CCDC178: variants seen among roughly 807,000 people sequenced by gnomAD.
CCDC178 encodes coiled-coil domain containing 178.
A neutral mutation model predicts 117.4 loss-of-function variants in CCDC178; 126 were observed. The ratio of observed to expected loss-of-function variants is 1.07; its 90% confidence interval spans 0.93 to 1.24. The LOEUF (loss-of-function observed/expected upper bound fraction) is 1.24. Ranked by LOEUF, CCDC178 falls within the 50% of genes most tolerant of loss-of-function variation. The pLI is 0.00. For missense variants in CCDC178, 1,030 were observed against 986.9 expected, an observed-to-expected ratio of 1.04 and a Z score of -0.59; for synonymous variants, 283 against 313.4, an observed-to-expected ratio of 0.90 and a Z score of 1.02.
At chr18:33,403,298 C>G (rs2063734990) in intron 3 of CCDC178, among the ~76,000 whole-genome samples, 1 of 152,086 alleles carries the variant, frequency 6.6e-6, no homozygotes, top group South Asian at 2.1e-4. Flanking sequence ...GACCATTAAG[C>G]CAACTGGATA....
chr18:33,147,242 C>T (rs992525414), intron 20 of CCDC178, among the ~76,000 whole-genome samples: 7 of 149,302 alleles, frequency 4.7e-5, no homozygotes, highest in Non-Finnish European at 7.4e-5. Context: ...GGCCCAGTCT[C>T]TCTGCTTCCA....
At chr18:33,237,447 G>C (rs750441435) in intron 15 of CCDC178, among the ~76,000 whole-genome samples, 10 of 152,186 alleles carry the variant, frequency 6.6e-5, no homozygotes, top group Non-Finnish European at 1.5e-4. Context: ...AGCCATGTCA[G>C]AGGCTTGAGA....
intron 21 of CCDC178, among the ~76,000 whole-genome samples, chr18:33,005,271 T>C (rs1008786855): frequency 6.6e-6 from 1 of 152,018 alleles, no homozygotes; most frequent in Non-Finnish European, 1.5e-5. Flanking sequence ...CATAATGGAG[T>C]ACTATTTAGC....
chr18:33,068,481 G>T (rs770931647), intron 21 of CCDC178, among the ~76,000 whole-genome samples: 2 of 152,056 alleles, frequency 1.3e-5, no homozygotes, highest in Non-Finnish European at 2.9e-5. Flanking sequence ...GTGATCAAGT[G>T]GGATTTATCC....
chr18:32,968,038 G>A (rs72941572), intron 22 of CCDC178, among the ~76,000 whole-genome samples: 3,683 of 151,582 alleles, frequency 0.024, 76 homozygotes, highest in Middle Eastern at 0.075. Flanking sequence ...ATTTTGAAAT[G>A]TACATTATTG....
intron 14 of CCDC178, among the ~76,000 whole-genome samples, chr18:33,258,438 T>C (rs1404073308): frequency 2.6e-5 from 4 of 152,154 alleles, no homozygotes; most frequent in African/African-American, 9.7e-5. Context: ...ATTCCAATGT[T>C]AGTTTCTCAA....
intron 20 of CCDC178, among the ~76,000 whole-genome samples, chr18:33,120,270 T>G (rs2057919261): frequency 6.6e-6 from 1 of 152,048 alleles, no homozygotes; most frequent in Non-Finnish European, 1.5e-5. Flanking sequence ...TCCAGGCCAT[T>G]TGGGCTCCTC....
At chr18:32,969,827 C>T (rs2054889392) in intron 22 of CCDC178, among the ~76,000 whole-genome samples, 1 of 152,018 alleles carries the variant, frequency 6.6e-6, no homozygotes, top group South Asian at 2.1e-4. Flanking sequence ...CTTCTTCACT[C>T]TCTCATTTAA....
At chr18:33,426,690 T>C (rs2064129779) in intron 2 of CCDC178, among the ~76,000 whole-genome samples, 1 of 152,246 alleles carries the variant, frequency 6.6e-6, no homozygotes, top group Admixed American at 6.5e-5. Context: ...TTGTACTTTC[T>C]TATCAATTCA....
intron 5 of CCDC178, among the ~76,000 whole-genome samples, chr18:33,387,258 A>G (rs1054057562): frequency 1.3e-5 from 2 of 152,232 alleles, no homozygotes; most frequent in Admixed American, 1.3e-4. Context: ...GGAAGAATCA[A>G]TATCTTGAAA....
At chr18:33,295,903 C>T (rs1030583766) in intron 11 of CCDC178, among the ~76,000 whole-genome samples, 23 of 152,052 alleles carry the variant, frequency 1.5e-4, no homozygotes, top group African/African-American at 5.1e-4. Flanking sequence ...TTACAGTCAA[C>T]GTACATCCCA....
intron 5 of CCDC178, among the ~76,000 whole-genome samples, chr18:33,377,285 A>T (rs1035056441): frequency 1.3e-4 from 20 of 148,980 alleles, no homozygotes; most frequent in Admixed American, 4.1e-4. Context: ...CCCACTTCTT[A>T]ATAGGGTTGT....
At chr18:33,117,148 C>T (rs945576425) in intron 20 of CCDC178, among the ~76,000 whole-genome samples, 1 of 151,856 alleles carries the variant, frequency 6.6e-6, no homozygotes, top group Non-Finnish European at 1.5e-5. Context: ...TCTTAATGGG[C>T]AAAAAATGAA....
chr18:33,235,396 G>C (rs571369072), intron 15 of CCDC178, among the ~76,000 whole-genome samples: 2 of 152,108 alleles, frequency 1.3e-5, no homozygotes, highest in African/African-American at 4.8e-5. Flanking sequence ...GAGATGTCCT[G>C]GTCCCTAAAC....
intron 21 of CCDC178, among the ~76,000 whole-genome samples, chr18:33,033,493 G>A (rs73955302): frequency 0.015 from 2,326 of 151,950 alleles, 59 homozygotes; most frequent in African/African-American, 0.053. Flanking sequence ...TCCCAACCTC[G>A]CCTGTCTCCT....
chr18:33,129,684 C>T (rs147860057), intron 20 of CCDC178, among the ~76,000 whole-genome samples: 1 of 151,970 alleles, frequency 6.6e-6, no homozygotes, highest in Non-Finnish European at 1.5e-5. Flanking sequence ...TTCATTTCAT[C>T]AATTTTGTCT....
intron 15 of CCDC178, among the ~76,000 whole-genome samples, chr18:33,242,991 G>A (rs1455720889): frequency 6.6e-6 from 1 of 151,718 alleles, no homozygotes; most frequent in East Asian, 1.9e-4. Context: ...CCAAGATGTG[G>A]AATCAAATTA....
intron 14 of CCDC178, among the ~76,000 whole-genome samples, chr18:33,251,407 G>A (rs977166491): frequency 2.0e-5 from 3 of 151,798 alleles, no homozygotes; most frequent in Non-Finnish European, 4.4e-5. Flanking sequence ...ATATAAAACA[G>A]TCATCAGAAA....
intron 21 of CCDC178, among the ~76,000 whole-genome samples, chr18:33,028,252 A>G (rs2056267089): frequency 6.6e-6 from 1 of 151,844 alleles, no homozygotes; most frequent in Non-Finnish European, 1.5e-5. Flanking sequence ...TTGTCAAGAC[A>G]GAAGTGAGAT....
Sources: gnomAD v4.1 joint callset for allele counts (sites outside exome capture counted in the v4.1 genomes callset) on GRCh38, gnomAD v4.1.1 for gene constraint, MANE v1.5 for transcripts, NCBI Gene and HGNC (gene_info 2026-07-23, HGNC 2026-07-21) for gene names.